Variants in SH3TC1 observed in about 807,000 individuals in gnomAD.
SH3TC1 encodes the protein SH3 domain and tetratricopeptide repeat-containing protein 1.
SH3TC1 carries 135 observed loss-of-function variants against 117.3 expected under a neutral mutation model. That is an observed-to-expected ratio of 1.15 (90% CI 1.00 to 1.33). The LOEUF is 1.33. Ranked by LOEUF, SH3TC1 falls within the 40% of genes most tolerant of loss-of-function variation. The pLI is 0.00. For missense variants in SH3TC1, 2,092 were observed against 1,794.3 expected, an observed-to-expected ratio of 1.17 and a Z score of -3.00; for synonymous variants, 898 against 816.9, an observed-to-expected ratio of 1.10 and a Z score of -1.69.
rs1036240433 is a variant in SH3TC1 at position 8,240,607 on chromosome 4, C to T, written c.3754-91C>T. 35 of 1,565,880 alleles carry T rather than the reference C, an allele frequency of 2.2e-5. No homozygotes were observed. The East Asian group carries it at 3.1e-4, about 14-fold the overall frequency. ...GCTCATGGGGTGAGCCAGCATTGGC[C>T]GGACATGTGGAATGACCTGGGCACA... On this transcript the variant is annotated intron_variant, in intron 17 of 17. Coordinates refer to ENST00000245105, the MANE Select transcript of SH3TC1 (RefSeq NM_018986.5).
At chr4:8,229,585 G>A (rs114584563) in intron 12 of SH3TC1, among the ~76,000 whole-genome samples, 221 of 151,972 alleles carry the variant, frequency 1.5e-3, no homozygotes, top group African/African-American at 4.8e-3. Context: ...AGAGTTGGGC[G>A]TGGGTTGGTT....
chr4:8,222,334 C>A (rs1344175111), intron 9 of SH3TC1, among the ~76,000 whole-genome samples: 1 of 140,704 alleles, frequency 7.1e-6, no homozygotes, highest in Non-Finnish European at 1.5e-5. Flanking sequence ...CCTGGCCAGA[C>A]AAGGCACCCC....
chr4:8,218,408 A>G lies in SH3TC1; in HGVS notation c.916+61A>G. 3.1e-6 allele frequency: 4 copies of G among 1,296,006 alleles called. No individual in the cohort carries two copies. In the South Asian group the frequency reaches 5.2e-5, roughly 17 times the overall value. 80.3% of individuals were successfully genotyped at this position (1,296,006 alleles called of 1,614,324 possible). A position where few individuals can be genotyped will look rare whatever the true frequency, so the allele number is the denominator to read the frequency against. On this transcript the variant is annotated intron_variant, in intron 8 of 17. Transcript: ENST00000245105. ...ATGTGTGTGCTAGGGAGCAGCACCA[A>G]CATTTTGGAAGTTGCCCTACATCCT... is the stretch of plus-strand genomic sequence containing the variant.
intron 17 of SH3TC1, among the ~76,000 whole-genome samples, chr4:8,240,092 G>A (rs1722198315): frequency 6.6e-6 from 1 of 152,190 alleles, no homozygotes; most frequent in Admixed American, 6.5e-5. Context: ...GGTGCCTGGG[G>A]AGAAGCTGGG....
intron 12 of SH3TC1, among the ~76,000 whole-genome samples, chr4:8,230,102 C>T (rs904251571): frequency 3.9e-5 from 6 of 152,186 alleles, no homozygotes; most frequent in African/African-American, 1.4e-4. Context: ...TGATACCCCA[C>T]ATGCTTACTT....
intron 14 of SH3TC1, among the ~76,000 whole-genome samples, chr4:8,235,194 G>C (rs982863213): frequency 6.6e-6 from 1 of 152,252 alleles, no homozygotes; most frequent in Non-Finnish European, 1.5e-5. Context: ...CCTGGTGGCA[G>C]GATTCACAGA....
In SH3TC1 at chr4:8,228,047, C is replaced by T. The variant is rs1281149; in HGVS notation, c.2353C>T (p.Arg785Cys). 0.7 allele frequency: 1,126,855 copies of T among 1,605,804 alleles called. 410,546 individuals are homozygous for T. Among genetic ancestry groups the T allele is most frequent in the Middle Eastern group, 0.76 (4,566 of 6,044 alleles). The stretch of plus-strand genomic sequence containing the variant: ...GACCCCGGGCACAGGCCAGGCGCTG[C>T]GCGGCCCCCTCTACACCAGCTTGGC... ...SLTPGTGQAL[R>C]GPLYTSLAQL... Residue 785 changes from arginine (R) to cysteine (C), a missense_variant, in exon 12 of 18, where the codon CGC becomes TGC. Coordinates refer to ENST00000245105, the MANE Select transcript of SH3TC1 (RefSeq NM_018986.5).
At chr4:8,235,364 A>G in intron 14 of SH3TC1, 69 bp from the exon 15 acceptor site, 1 of 1,410,098 alleles carries the variant, frequency 7.1e-7, no homozygotes, top group South Asian at 1.8e-5. Flanking sequence ...TGGGCGGGGG[A>G]GTCCGACCTG....
upstream of SH3TC1, among the ~76,000 whole-genome samples, chr4:8,198,400 G>T (rs1717632345): frequency 6.6e-6 from 1 of 152,190 alleles, no homozygotes. Context: ...ACTTCCTAGA[G>T]CTGGGCCGGA....
chr4:8,189,642 G>A (rs113496597), intron 1 of SH3TC1, among the ~76,000 whole-genome samples: 57 of 152,310 alleles, frequency 3.7e-4, no homozygotes, highest in African/African-American at 1.3e-3. Context: ...GTGCCCTGTG[G>A]TGCCATCTGC....
At position 8,227,286 on chromosome 4, in the gene SH3TC1, G is replaced by C. The variant is rs760018224; in HGVS notation, c.1592G>C (p.Arg531Pro). The part of the protein sequence containing the change: ...VALPWLSSVF[R>P]SFSDEEELTG... ...CTGCCGTGGCTGAGCAGCGTGTTCC[G>C]CAGCTTCAGCGACGAGGAGGAGCTG... Residue 531 changes from arginine to proline, a missense_variant, in exon 12 of 18, where the codon CGC becomes CCC. Arg to Pro is a moderately radical substitution (Grantham distance 103). Coordinates refer to ENST00000245105, the MANE Select transcript of SH3TC1 (RefSeq NM_018986.5). 3.7e-6 allele frequency: 6 copies of C among 1,607,334 alleles called. No individual in the cohort carries two copies. The African/African-American group carries it at 6.7e-5, about 18-fold the overall frequency.
intron 1 of SH3TC1, among the ~76,000 whole-genome samples, chr4:8,188,782 C>A (rs1189964674): frequency 2.0e-5 from 3 of 152,234 alleles, no homozygotes; most frequent in Non-Finnish European, 4.4e-5. Context: ...GGTTAGCAGG[C>A]ATGTGAGGTA....
At chr4:8,224,595 C>G (rs1446558748) in intron 10 of SH3TC1, 1 of 153,420 alleles carries the variant, frequency 6.5e-6, no homozygotes, top group African/African-American at 2.4e-5. Flanking sequence ...CATCTTTTTA[C>G]AGCTATTTCT....
chr4:8,228,743 T>C, intron 12 of SH3TC1, 99 bp downstream of exon 12: 1 of 1,047,356 alleles, frequency 9.5e-7, no homozygotes, highest in Non-Finnish European at 1.3e-6. Context: ...TTTTCCACCA[T>C]CGAAAGTGCT....
At chr4:8,199,995 G>A (rs777233489) in intron 1 of SH3TC1, among the ~76,000 whole-genome samples, 76 of 152,334 alleles carry the variant, frequency 5.0e-4, no homozygotes, top group Non-Finnish European at 8.4e-4. Flanking sequence ...CAGGTGTGCC[G>A]GGGCGTGTGC....
Position 8,200,766 on chromosome 4 carries a change from G to T in SH3TC1, c.-29+1361G>T, listed in dbSNP as rs574495867. On this transcript the variant is annotated intron_variant, in intron 1 of 17. Coordinates refer to ENST00000245105, the MANE Select transcript of SH3TC1 (RefSeq NM_018986.5). ...GCGTCCCTCAGAAGGCTACTGGGCG[G>T]CTCCTCCCTGCCTCTTCCCGCTGCC... Among the ~76,000 whole-genome samples, 5 of 152,326 alleles carry T rather than the reference G, an allele frequency of 3.3e-5. No individual in the cohort carries two copies. In the East Asian group the frequency reaches 9.7e-4, roughly 29 times the overall value.
intron 14 of SH3TC1, among the ~76,000 whole-genome samples, chr4:8,234,016 TCCATCATC>T (rs891908453): frequency 5.5e-5 from 8 of 144,414 alleles, no homozygotes; most frequent in African/African-American, 2.1e-4. Context: ...CATTTATCCA[TCCATCATC>T]CATCCATCCA....
upstream of SH3TC1, among the ~76,000 whole-genome samples, chr4:8,198,102 C>G (rs1012650508): frequency 2.6e-5 from 4 of 151,138 alleles, no homozygotes; most frequent in Non-Finnish European, 4.4e-5. Context: ...CACAGGACAG[C>G]CCCCCGCCCT....
rs145791659 is a variant in SH3TC1, at chr4:8,190,440, G to A, written c.-57+8230G>A. Among the ~76,000 whole-genome samples, 175 of 152,278 alleles carry A rather than the reference G, an allele frequency of 1.1e-3. 1 individual carries two copies. Among genetic ancestry groups the A allele is most frequent in the Non-Finnish European group, 1.8e-3 (121 of 68,018 alleles). On this transcript the variant is annotated intron_variant, in intron 1 of 16. Transcript: ENST00000508641. The surrounding 1 kb of genome is among the most constrained non-coding windows in gnomAD (Gnocchi z 4.7). ...GGAAAGTTGGGGCTCTGAGGAGTTC[G>A]GGCCTATGGGATTGGAGGTCCTGGG...
Sources: allele counts gnomAD v4.1 joint callset (sites outside exome capture counted in the v4.1 genomes callset), GRCh38; gene constraint gnomAD v4.1.1; non-coding constraint Gnocchi (gnomAD v3.1); transcripts MANE v1.5; gene names NCBI Gene and HGNC (gene_info 2026-07-23, HGNC 2026-07-21).